RPGRIP1L: variants seen among roughly 807,000 people sequenced by gnomAD.
RPGRIP1L encodes protein fantom.
Under a neutral mutation model 160.4 loss-of-function variants are expected in RPGRIP1L, and 131 were observed. The observed-to-expected ratio is 0.82, with a 90% confidence interval of 0.71 to 0.94. The LOEUF (loss-of-function observed/expected upper bound fraction) is 0.94. Ranked by LOEUF, RPGRIP1L falls within the 40% of genes least tolerant of loss-of-function variation. The pLI is 0.00. For missense variants in RPGRIP1L, 1,522 were observed against 1,535.8 expected, an observed-to-expected ratio of 0.99 and a Z score of 0.15; for synonymous variants, 510 against 515.8, an observed-to-expected ratio of 0.99 and a Z score of 0.15.
chr16:53,632,258 A>G (rs963410702), intron 22 of RPGRIP1L, among the ~76,000 whole-genome samples: 3 of 152,234 alleles, frequency 2.0e-5, no homozygotes, highest in African/African-American at 7.2e-5. Flanking sequence ...ATTCAAATTC[A>G]CAGTGTAACT....
In RPGRIP1L at chr16:53,602,142, T is replaced by C. The variant is rs759935029; in HGVS notation, c.3882A>G (p.Val1294=). 2.9e-5 allele frequency: 47 copies of C among 1,613,936 alleles called. No homozygotes were observed. The highest frequency in any genetic ancestry group is 3.9e-5 in the Non-Finnish European group (46 of 1,179,974). Residue 1294 remains valine (V), a synonymous_variant, in exon 27 of 27, where the codon GTA becomes GTG. Transcript: ENST00000647211. ...GGAGGGCATGGAGAGCTTCGACTGTTACCCTGAGCTTGCCAATACCTTCAC... is the reference window on the plus strand; with the variant it reads ...GGAGGGCATGGAGAGCTTCGACTGTCACCCTGAGCTTGCCAATACCTTCAC... ...ADGEGIGKLR[V]TVEALHALQS...
intron 15 of RPGRIP1L, 130 bp from the exon 16 acceptor site, chr16:53,649,245 C>G: frequency 1.4e-6 from 1 of 714,916 alleles, no homozygotes; most frequent in South Asian, 1.9e-5. Flanking sequence ...ATGACTTGCA[C>G]AAATGATGTG....
intron 7 of RPGRIP1L, among the ~76,000 whole-genome samples, chr16:53,674,762 T>C (rs1208251654): frequency 6.6e-6 from 1 of 152,122 alleles, no homozygotes; most frequent in Non-Finnish European, 1.5e-5. Flanking sequence ...TAATTTATAA[T>C]AAATATGGTT....
chr16:53,645,189 TTCTC>T (rs1966461943), intron 17 of RPGRIP1L, among the ~76,000 whole-genome samples: 2 of 152,222 alleles, frequency 1.3e-5, no homozygotes, highest in Admixed American at 6.5e-5. Context: ...ATTATATATT[TTCTC>T]TCTTCTCTTA....
chr16:53,652,464 T>C, intron 15 of RPGRIP1L, 71 bp downstream of exon 15: 4 of 1,166,642 alleles, frequency 3.4e-6, no homozygotes, highest in Non-Finnish European at 3.8e-6. Context: ...AAGATAGTAA[T>C]GTAGAGTACC....
rs113148764 is a variant in RPGRIP1L, at chr16:53,687,801, T to TA, written c.632+61dup. 3,532 of 858,338 alleles carry TA rather than the reference T, an allele frequency of 4.1e-3. 2 individuals are homozygous for TA. Among genetic ancestry groups the TA allele is most frequent in the Non-Finnish European group, 5.0e-3 (2,700 of 534,722 alleles). 53.2% of individuals were successfully genotyped at this position (858,338 alleles called of 1,614,324 possible). ...CATATAAATAAAGGAAAGGGAAGGA[T>TA]AAAAAAAAAAGACATTATCAATAAC... On this transcript the variant is annotated intron_variant, in intron 5 of 26. Transcript: ENST00000647211.
chr16:53,692,475 A>C (rs1176314975), intron 3 of RPGRIP1L, 111 bp from the exon 4 acceptor site: 2 of 1,033,468 alleles, frequency 1.9e-6, no homozygotes, highest in African/African-American at 3.1e-5. Flanking sequence ...CTGAATAATA[A>C]ATTTCAGGTT....
In RPGRIP1L at chr16:53,672,865, C is replaced by T; in HGVS notation, c.1029+5G>A. 6.2e-7 allele frequency: 1 copy of T among 1,611,364 alleles called. No individual in the cohort carries two copies. On this transcript the variant is annotated splice_donor_5th_base_variant and intron_variant, in intron 8 of 26. Transcript: ENST00000647211. Reference sequence around the variant, plus strand: ...AACAGATGGCTAAACTCTTTGGGAGCTTACCTCTTCTATTCTTCTTTCAGA... The same window carrying T: ...AACAGATGGCTAAACTCTTTGGGAGTTTACCTCTTCTATTCTTCTTTCAGA...
At chr16:53,688,479 C>A (rs536636022) in intron 4 of RPGRIP1L, among the ~76,000 whole-genome samples, 122 of 152,086 alleles carry the variant, frequency 8.0e-4, no homozygotes, top group African/African-American at 2.8e-3. Flanking sequence ...TGGATCATCG[C>A]AAGAATTCCT....
At chr16:53,660,436 G>A (rs1967679111) in intron 10 of RPGRIP1L, among the ~76,000 whole-genome samples, 1 of 151,942 alleles carries the variant, frequency 6.6e-6, no homozygotes, top group Non-Finnish European at 1.5e-5. Context: ...CTTTTATAAG[G>A]CATTGTGTTC....
intron 9 of RPGRIP1L, among the ~76,000 whole-genome samples, chr16:53,670,965 C>T (rs988769583): frequency 3.9e-5 from 6 of 152,084 alleles, no homozygotes; most frequent in Admixed American, 3.9e-4. Flanking sequence ...GACATGGTGG[C>T]ATGTGCCTGT....
intron 22 of RPGRIP1L, chr16:53,628,680 CAAAAG>C (rs1040918366): frequency 5.3e-5 from 8 of 152,084 alleles, no homozygotes; most frequent in Non-Finnish European, 7.4e-5. Flanking sequence ...TTTTAACAAA[CAAAAG>C]AAAACCACCC....
At chr16:53,603,837 T>C (rs1051878724) in intron 26 of RPGRIP1L, among the ~76,000 whole-genome samples, 1 of 152,136 alleles carries the variant, frequency 6.6e-6, no homozygotes, top group East Asian at 1.9e-4. Flanking sequence ...AGCTGTCATC[T>C]CTGCTTTGGG....
At position 53,652,569 on chromosome 16, in the gene RPGRIP1L, T is replaced by G. The variant is rs759934290; in HGVS notation, c.2118A>C (p.Lys706Asn). ...CQLKFHEILE[K>N]SGRIFCTASL... ...TTGCTGTACAAAATATTCGGCCGCT[T>G]TTTTCAAGAATTTCGTGAAATTTTA... is the stretch of plus-strand genomic sequence containing the variant. Residue 706 changes from lysine to asparagine, a missense_variant, in exon 15 of 27, where the codon AAA becomes AAC. Coordinates refer to ENST00000647211, the MANE Select transcript of RPGRIP1L (RefSeq NM_015272.5). 1.1e-5 allele frequency: 17 copies of G among 1,613,976 alleles called. No homozygotes were observed. Among genetic ancestry groups the G allele is most frequent in the Non-Finnish European group, 1.4e-5 (17 of 1,179,998 alleles).
Position 53,645,912 on chromosome 16 carries a change from C to A in RPGRIP1L, c.2396G>T (p.Cys799Phe). The A allele has an allele frequency of 6.2e-7, 1 of 1,614,056 alleles. No individual in the cohort carries two copies. Among genetic ancestry groups the A allele is most frequent in the Non-Finnish European group, 8.5e-7 (1 of 1,179,988 alleles). The change falls in exon 17 of 27, where the codon TGC becomes TTC. Residue 799 changes from cysteine to phenylalanine, a missense_variant. By Grantham distance (205) the Cys-to-Phe change is radical (BLOSUM62 -2). Coordinates refer to ENST00000647211, the MANE Select transcript of RPGRIP1L (RefSeq NM_015272.5). Reference protein sequence around the residue: ...LNELHITIRCCNHLQSRASHL... With the variant: ...LNELHITIRCFNHLQSRASHL... Reference sequence around the variant, plus strand: ...GCTTGCTCGGGACTGCAGGTGGTTGCAACATCTTATTGTAATGTGAAGTTC... The same window carrying A: ...GCTTGCTCGGGACTGCAGGTGGTTGAAACATCTTATTGTAATGTGAAGTTC...
chr16:53,686,457 C>T lies in RPGRIP1L; in HGVS notation c.752G>A (p.Arg251Gln), dbSNP rs767314963. The T allele has an allele frequency of 2.4e-5, 39 of 1,613,262 alleles. No homozygotes were observed. The highest frequency in any genetic ancestry group is 1.1e-4 in the East Asian group (5 of 44,848). ...NEIELSLLQL[R>Q]EQQATDQRSN... ...CCTTTGATCTGTAGCTTGCTGTTCT[C>T]GAAGCTGAAGAAGAGATAACTCAAT... Residue 251 changes from arginine to glutamine, a missense_variant, in exon 6 of 27, where the codon CGA (arginine) becomes CAA (glutamine). Arg to Gln is a conservative substitution (Grantham distance 43). Coordinates refer to ENST00000647211, the MANE Select transcript of RPGRIP1L (RefSeq NM_015272.5).
chr16:53,632,819 G>A (rs1055407490), intron 22 of RPGRIP1L, among the ~76,000 whole-genome samples: 5 of 151,932 alleles, frequency 3.3e-5, no homozygotes, highest in African/African-American at 1.2e-4. Flanking sequence ...TTCAACACTG[G>A]CTCCAGCTTT....
intron 19 of RPGRIP1L, among the ~76,000 whole-genome samples, chr16:53,640,556 A>T (rs1966142157): frequency 6.6e-6 from 1 of 152,136 alleles, no homozygotes; most frequent in African/African-American, 2.4e-5. Flanking sequence ...CAAGCTAGGA[A>T]GGCATGGTGT....
chr16:53,691,541 T>C (rs934753705), intron 4 of RPGRIP1L, among the ~76,000 whole-genome samples: 10 of 152,214 alleles, frequency 6.6e-5, no homozygotes, highest in African/African-American at 1.4e-4. Context: ...CAGGGTCAGA[T>C]TGATTAGGAG....
Sources: gnomAD v4.1 joint callset for allele counts (sites outside exome capture counted in the v4.1 genomes callset) on GRCh38, gnomAD v4.1.1 for gene constraint, MANE v1.5 for transcripts, NCBI Gene and HGNC (gene_info 2026-07-23, HGNC 2026-07-21) for gene names.